The following RGS5 variants were observed in gnomAD, a reference collection of about 807,000 sequenced individuals.
RGS5 encodes regulator of G protein signaling 5.
Under a neutral mutation model 18.9 loss-of-function variants are expected in RGS5, and 20 were observed. The ratio of observed to expected loss-of-function variants is 1.06; its 90% CI spans 0.74 to 1.54. The LOEUF is 1.54. Ranked by LOEUF, RGS5 falls within the 40% of genes most tolerant of loss-of-function variation. RGS5 has a pLI of 0.00. For synonymous variants in RGS5, 57 were observed against 76.2 expected, an observed-to-expected ratio of 0.75 and a Z score of 1.31; for missense variants, 201 against 211.8, an observed-to-expected ratio of 0.95 and a Z score of 0.32.
At chr1:163,298,411 C>T (rs2101730215) in intron 2 of RGS5, among the ~76,000 whole-genome samples, 1 of 152,076 alleles carries the variant, frequency 6.6e-6, no homozygotes, top group Middle Eastern at 3.4e-3. Context: ...ACAGGAGTCC[C>T]ACAAAGTAGA....
upstream of RGS5, among the ~76,000 whole-genome samples, chr1:163,220,382 A>T (rs1168928666): frequency 6.6e-6 from 1 of 152,154 alleles, no homozygotes; most frequent in Non-Finnish European, 1.5e-5. Context: ...TTCAAATTTT[A>T]CTAAGTATCC....
intron 2 of RGS5, among the ~76,000 whole-genome samples, chr1:163,271,460 A>T (rs1648715292): frequency 1.3e-5 from 2 of 152,138 alleles, no homozygotes; most frequent in South Asian, 4.2e-4. Flanking sequence ...CCATCTGCAA[A>T]CCAGTAAGAA....
At chr1:163,297,090 T>C (rs1484672268) in intron 2 of RGS5, among the ~76,000 whole-genome samples, 1 of 152,090 alleles carries the variant, frequency 6.6e-6, no homozygotes, top group Non-Finnish European at 1.5e-5. Context: ...CGGTGTCAGA[T>C]GGGTGGTTAA....
At chr1:163,154,870 TATAG>T (rs1198767735) in intron 3 of RGS5, among the ~76,000 whole-genome samples, 1 of 149,372 alleles carries the variant, frequency 6.7e-6, no homozygotes, top group Non-Finnish European at 1.5e-5. Context: ...TTTTAGTCTA[TATAG>T]ATATAGATAT....
At chr1:163,189,993 G>A (rs188865695) in intron 1 of RGS5, among the ~76,000 whole-genome samples, 10 of 152,354 alleles carry the variant, frequency 6.6e-5, no homozygotes, top group South Asian at 4.1e-4. Flanking sequence ...AAGTTGGAAT[G>A]TTTAAGCAGG....
At chr1:163,193,870 A>C (rs973118311) in intron 1 of RGS5, among the ~76,000 whole-genome samples, 1 of 152,176 alleles carries the variant, frequency 6.6e-6, no homozygotes. Context: ...TTTACCTCTA[A>C]GCAACATTCA....
chr1:163,190,877 A>C (rs1008965264), intron 1 of RGS5, among the ~76,000 whole-genome samples: 1 of 152,188 alleles, frequency 6.6e-6, no homozygotes, highest in African/African-American at 2.4e-5. Context: ...GGATACCCAC[A>C]TGGGGCACAG....
upstream of RGS5, among the ~76,000 whole-genome samples, chr1:163,206,080 A>G (rs1238252359): frequency 3.3e-5 from 5 of 152,156 alleles, no homozygotes; most frequent in African/African-American, 1.2e-4. Context: ...AGCAAGCTCA[A>G]TTTATAATTC....
At chr1:163,312,118 G>A (rs992084496) in intron 1 of RGS5, among the ~76,000 whole-genome samples, 4 of 152,218 alleles carry the variant, frequency 2.6e-5, no homozygotes, top group Non-Finnish European at 4.4e-5. Context: ...CCTCCATGCT[G>A]TTCTCATGAT....
chr1:163,186,814 T>C (rs999223980), intron 1 of RGS5, among the ~76,000 whole-genome samples: 3 of 152,154 alleles, frequency 2.0e-5, no homozygotes, highest in Non-Finnish European at 2.9e-5. Context: ...TCCGTTACCC[T>C]GAATCAATTC....
intron 2 of RGS5, among the ~76,000 whole-genome samples, chr1:163,298,230 G>T (rs1649471091): frequency 1.3e-5 from 2 of 152,020 alleles, no homozygotes; most frequent in Admixed American, 6.6e-5. Flanking sequence ...ACATATGCAT[G>T]TATACAAATA....
At chr1:163,267,044 G>A (rs1648589008) in intron 2 of RGS5, among the ~76,000 whole-genome samples, 1 of 152,102 alleles carries the variant, frequency 6.6e-6, no homozygotes, top group African/African-American at 2.4e-5. Context: ...ATGGTGTTAT[G>A]GAGTGAATGT....
intron 1 of RGS5, among the ~76,000 whole-genome samples, chr1:163,197,717 C>G (rs571614273): frequency 8.5e-5 from 13 of 152,220 alleles, no homozygotes; most frequent in Non-Finnish European, 1.9e-4. Context: ...TAAAGTTTCA[C>G]TACAATGCTT....
chr1:163,262,435 A>C (rs1648471026), intron 2 of RGS5, among the ~76,000 whole-genome samples: 2 of 70,288 alleles, frequency 2.8e-5, no homozygotes, highest in Non-Finnish European at 2.9e-5. Context: ...GCAATAGTTT[A>C]CTGAGAATGA....
intron 1 of RGS5, among the ~76,000 whole-genome samples, chr1:163,307,073 T>C (rs1649721228): frequency 6.6e-6 from 1 of 152,108 alleles, no homozygotes; most frequent in South Asian, 2.1e-4. Context: ...TAAAAAGGGC[T>C]CCCCTCCCAC....
At chr1:163,194,996 T>C (rs922349279) in intron 1 of RGS5, among the ~76,000 whole-genome samples, 1 of 152,116 alleles carries the variant, frequency 6.6e-6, no homozygotes, top group African/African-American at 2.4e-5. Flanking sequence ...GGTGGGAATA[T>C]AAATTAGTAC....
chr1:163,214,672 T>C (rs1304859714), intron 1 of RGS5, among the ~76,000 whole-genome samples: 2 of 152,128 alleles, frequency 1.3e-5, no homozygotes, highest in Non-Finnish European at 2.9e-5. Flanking sequence ...CTTTAAAGAA[T>C]TTTTTCCATA....
intron 2 of RGS5, chr1:163,305,057 T>C (rs1318085156): frequency 6.6e-6 from 1 of 152,238 alleles, no homozygotes; most frequent in Non-Finnish European, 1.5e-5. Context: ...TTATAATAAT[T>C]AAAATATAGA....
chr1:163,312,431 T>A, intron 1 of RGS5, among the ~76,000 whole-genome samples: 1 of 152,174 alleles, frequency 6.6e-6, no homozygotes, highest in East Asian at 1.9e-4. Context: ...AAGATCTGTA[T>A]GAAGTGAAGT....
Sources: gnomAD v4.1 joint callset for allele counts (sites outside exome capture counted in the v4.1 genomes callset) on GRCh38, gnomAD v4.1.1 for gene constraint, MANE v1.5 for transcripts, NCBI Gene and HGNC (gene_info 2026-07-23, HGNC 2026-07-21) for gene names.